INSR: variants seen among roughly 807,000 people sequenced by gnomAD.
The protein encoded by INSR is insulin receptor, also known as IR.
INSR carries 67 observed loss-of-function variants against 142.6 expected under a neutral mutation model. The ratio of observed to expected loss-of-function variants is 0.47; its 90% confidence interval spans 0.39 to 0.58. The LOEUF (loss-of-function observed/expected upper bound fraction) is 0.58. Ranked by LOEUF, INSR falls within the 20% of genes least tolerant of loss-of-function variation. The pLI is 0.00. For synonymous variants in INSR, 756 were observed against 743.1 expected (o/e 1.02, Z -0.28); for missense variants, 1,248 against 1,833.2 (o/e 0.68, Z 5.83).
At chr19:7,292,839 C>T (rs1241284773) in intron 1 of INSR, among the ~76,000 whole-genome samples, 1 of 152,038 alleles carries the variant, frequency 6.6e-6, no homozygotes, top group Non-Finnish European at 1.5e-5. Flanking sequence ...TCAGGGGGAA[C>T]GAAAGGCTCA....
chr19:7,164,546 G>C (rs1973843196), intron 8 of INSR, among the ~76,000 whole-genome samples: 1 of 149,798 alleles, frequency 6.7e-6, no homozygotes, highest in Admixed American at 6.7e-5. Context: ...GGCTGGGCGC[G>C]GTGGCTCATG....
rs760156961 is a variant in INSR at position 7,132,233 on chromosome 19, C to G, written c.2767G>C (p.Val923Leu). Residue 923 changes from valine to leucine, a missense_variant, in exon 14 of 22, where the codon GTG becomes CTG. By Grantham distance (32) the Val-to-Leu change is conservative. Around this residue, in one of 3 missense-constraint regions of INSR, gnomAD observed 1,069 missense variants for 1,654.0 expected, o/e 0.65. Transcript: ENST00000302850. ...LRGLSPGNYS[V>L]RIRATSLAGN... ...GCAAGGGAGGTGGCCCGGATTCGCA[C>G]GCTGTAGTTCCCCGGTGACAGCCCA... 6.2e-7 allele frequency: 1 copy of G among 1,614,236 alleles called. No individual in the cohort carries two copies. The highest frequency in any genetic ancestry group is 8.5e-7 in the Non-Finnish European group (1 of 1,180,044).
chr19:7,292,473 G>GGT (rs1568242624), intron 1 of INSR, among the ~76,000 whole-genome samples: 2 of 148,630 alleles, frequency 1.3e-5, no homozygotes, highest in Non-Finnish European at 3.0e-5. Flanking sequence ...GCGGGGCTGG[G>GGT]GGGGGGTGGG....
chr19:7,255,147 T>C (rs139620847), intron 2 of INSR, among the ~76,000 whole-genome samples: 1 of 152,270 alleles, frequency 6.6e-6, no homozygotes, highest in Non-Finnish European at 1.5e-5. Flanking sequence ...CACGGTCAAC[T>C]GGTCTACCAT....
At chr19:7,197,321 A>AGAGTGAGTGAGTGAGTGAGTAAGC (rs59460120) in intron 2 of INSR, among the ~76,000 whole-genome samples, 12 of 151,324 alleles carry the variant, frequency 7.9e-5, no homozygotes, top group Non-Finnish European at 1.6e-4. Context: ...CTTCGGAGAG[A>AGAGTGAGTGAGTGAGTGAGTAAGC]GAGTGAGTGA....
chr19:7,204,463 A>C (rs981018865), intron 2 of INSR, among the ~76,000 whole-genome samples: 1 of 152,172 alleles, frequency 6.6e-6, no homozygotes, highest in African/African-American at 2.4e-5. Context: ...CTCCCCGTGT[A>C]TATACCTCAG....
rs139581761 is a variant in INSR at position 7,204,271 on chromosome 19, T to A, written c.653-19634A>T. 6.9e-3 allele frequency among the ~76,000 whole-genome samples: 1,055 copies of A among 152,174 alleles called. 14 individuals are homozygous for A. The highest frequency in any genetic ancestry group is 0.024 in the African/African-American group (984 of 41,530). Reference sequence around the variant, plus strand: ...GGTTTCACCATGTTGGCCAGGCTGGTCTCGAACTCCTGACCTCAGGTGATC... The same window carrying A: ...GGTTTCACCATGTTGGCCAGGCTGGACTCGAACTCCTGACCTCAGGTGATC... On this transcript the variant is annotated intron_variant, in intron 2 of 21. Transcript: ENST00000302850.
At chr19:7,250,272 AG>A (rs1976669496) in intron 2 of INSR, among the ~76,000 whole-genome samples, 1 of 116,384 alleles carries the variant, frequency 8.6e-6, no homozygotes, top group Non-Finnish European at 1.7e-5. Context: ...GAAGGAGGAG[AG>A]GGGAAGGAGG....
intron 1 of INSR, among the ~76,000 whole-genome samples, chr19:7,291,115 G>A (rs940887319): frequency 6.6e-6 from 1 of 151,868 alleles, no homozygotes; most frequent in Non-Finnish European, 1.5e-5. Flanking sequence ...TTAATGATCT[G>A]AAAAGTTCTT....
At chr19:7,255,536 C>CTCTT (rs763829278) in intron 2 of INSR, among the ~76,000 whole-genome samples, 2,234 of 119,978 alleles carry the variant, frequency 0.019, 30 homozygotes, top group Middle Eastern at 0.072. Context: ...CTTGTCTTTT[C>CTCTT]TCTTTCTTTC....
chr19:7,243,167 G>A (rs1478070071), intron 2 of INSR, among the ~76,000 whole-genome samples: 1 of 147,076 alleles, frequency 6.8e-6, no homozygotes. Flanking sequence ...AAATAAAGAT[G>A]AATCACGGCC....
At chr19:7,290,228 G>A (rs1375611684) in intron 1 of INSR, among the ~76,000 whole-genome samples, 1 of 150,878 alleles carries the variant, frequency 6.6e-6, no homozygotes, top group Non-Finnish European at 1.5e-5. Flanking sequence ...AAAATAGCAA[G>A]ACTTCAGCTC....
intron 13 of INSR, among the ~76,000 whole-genome samples, chr19:7,132,741 A>ACCAC (rs1266503643): frequency 5.3e-5 from 8 of 151,624 alleles, no homozygotes. Flanking sequence ...ACAGGCGCTC[A>ACCAC]CCACCGCGCC....
intron 17 of INSR, among the ~76,000 whole-genome samples, chr19:7,124,344 G>A (rs910735628): frequency 7.0e-5 from 10 of 143,518 alleles, no homozygotes; most frequent in African/African-American, 2.6e-4. Flanking sequence ...ACTCCAGCCT[G>A]GGTGACAGAG....
chr19:7,200,526 T>TA (rs930192542), intron 2 of INSR, among the ~76,000 whole-genome samples: 27 of 151,066 alleles, frequency 1.8e-4, no homozygotes, highest in African/African-American at 6.1e-4. Context: ...CTTATCTCTT[T>TA]AAAAAAATAA....
Position 7,168,238 on chromosome 19 carries a change from C to T in INSR, c.1484-144G>A, listed in dbSNP as rs935245503. On this transcript the variant is annotated intron_variant, in intron 6 of 21. Coordinates refer to ENST00000302850, the MANE Select transcript of INSR (RefSeq NM_000208.4). The surrounding 1 kb of genome is among the most constrained non-coding windows in gnomAD (Gnocchi z 4.3). The stretch of plus-strand genomic sequence containing the variant: ...CCTTAAGGGTCTCCTCCCCATGTGC[C>T]TGGCTGAGTATGAATGGGGGAAGAT... 1.2e-6 allele frequency: 1 copy of T among 845,790 alleles called. No homozygotes were observed. Among genetic ancestry groups the T allele is most frequent in the Admixed American group, 2.2e-5 (1 of 44,996 alleles). 52.4% of individuals were successfully genotyped at this position (845,790 alleles called of 1,614,324 possible).
At chr19:7,252,879 G>C (rs1389414735) in intron 2 of INSR, among the ~76,000 whole-genome samples, 1 of 152,090 alleles carries the variant, frequency 6.6e-6, no homozygotes, top group East Asian at 1.9e-4. Flanking sequence ...ACCCTGGGAG[G>C]CCAAGGCGGG....
intron 2 of INSR, among the ~76,000 whole-genome samples, chr19:7,218,661 C>T (rs57976980): frequency 0.019 from 2,824 of 152,228 alleles, 84 homozygotes; most frequent in African/African-American, 0.064. Context: ...CTGCCTCAGC[C>T]ACCCAAGTCC....
intron 2 of INSR, among the ~76,000 whole-genome samples, chr19:7,189,383 C>A (rs1197296789): frequency 6.6e-6 from 1 of 152,194 alleles, no homozygotes; most frequent in African/African-American, 2.4e-5. Context: ...GTGTTGGAGC[C>A]CTAGCTGACA....
Sources: gnomAD v4.1 joint callset for allele counts (sites outside exome capture counted in the v4.1 genomes callset) on GRCh38, gnomAD v4.1.1 for gene constraint, gnomAD v4.1.1 regional missense constraint, Gnocchi (gnomAD v3.1) non-coding constraint, MANE v1.5 for transcripts, NCBI Gene and HGNC (gene_info 2026-07-23, HGNC 2026-07-21) for gene names.